SLC35F1: variants seen among roughly 807,000 people sequenced by gnomAD.
SLC35F1 encodes the protein solute carrier family 35 member F1.
Under a neutral mutation model 48.7 loss-of-function variants are expected in SLC35F1, and 14 were observed. The ratio of observed to expected loss-of-function variants is 0.29; its 90% CI spans 0.19 to 0.45. SLC35F1 has a LOEUF of 0.45. Among genes scored for constraint, SLC35F1 ranks in the 20% least tolerant of loss-of-function variants. The pLI, the probability that SLC35F1 is intolerant of heterozygous loss-of-function variation, is 1.00. For missense variants in SLC35F1, 404 were observed against 500.0 expected (o/e 0.81, Z 1.83); for synonymous variants, 190 against 202.2 (o/e 0.94, Z 0.51).
intron 1 of SLC35F1, among the ~76,000 whole-genome samples, chr6:117,923,479 C>A (rs1207781366): frequency 9.5e-6 from 1 of 105,564 alleles, no homozygotes; most frequent in Non-Finnish European, 1.8e-5. Context: ...AATTGACATA[C>A]ATGTATATAT....
chr6:118,051,328 G>A (rs935676283), intron 1 of SLC35F1, among the ~76,000 whole-genome samples: 3 of 152,092 alleles, frequency 2.0e-5, no homozygotes, highest in African/African-American at 7.2e-5. Flanking sequence ...TTCTTACTAA[G>A]TACTCATTGT....
intron 1 of SLC35F1, among the ~76,000 whole-genome samples, chr6:117,944,592 TACACACAC>T (rs60520269): frequency 7.4e-6 from 1 of 135,900 alleles, no homozygotes; most frequent in African/African-American, 2.7e-5. Context: ...CACATACACA[TACACACAC>T]ACACACACAC....
At chr6:118,121,482 G>A (rs1446566725) in intron 1 of SLC35F1, among the ~76,000 whole-genome samples, 2 of 152,140 alleles carry the variant, frequency 1.3e-5, no homozygotes, top group Non-Finnish European at 2.9e-5. Context: ...AAATTGCAGA[G>A]CAAAGATGTG....
At chr6:118,205,695 A>G (rs1018816314) in intron 2 of SLC35F1, among the ~76,000 whole-genome samples, 4 of 152,228 alleles carry the variant, frequency 2.6e-5, no homozygotes, top group East Asian at 3.8e-4. Context: ...TTGTATACCA[A>G]TGTTCACAGC....
intron 1 of SLC35F1, among the ~76,000 whole-genome samples, chr6:118,091,114 G>T (rs1562287022): frequency 6.6e-6 from 1 of 152,160 alleles, no homozygotes; most frequent in African/African-American, 2.4e-5. Flanking sequence ...AATGAAATGG[G>T]TCTTAGATGA....
intron 1 of SLC35F1, among the ~76,000 whole-genome samples, chr6:118,114,949 T>C (rs17079707): frequency 0.16 from 24,278 of 152,100 alleles, 1,976 homozygotes; most frequent in South Asian, 0.32. Flanking sequence ...AAGGATAAAA[T>C]GACTGTTCAG....
chr6:118,265,237 A>G (rs1191410277), intron 3 of SLC35F1, among the ~76,000 whole-genome samples: 2 of 152,202 alleles, frequency 1.3e-5, no homozygotes, highest in African/African-American at 2.4e-5. Context: ...ATGCTTTGCA[A>G]ATACGCAAAC....
At chr6:118,204,203 C>A (rs1157064707) in intron 2 of SLC35F1, among the ~76,000 whole-genome samples, 1 of 151,154 alleles carries the variant, frequency 6.6e-6, no homozygotes, top group Non-Finnish European at 1.5e-5. Context: ...GAATAGTGGA[C>A]ACAAAGGAAA....
At chr6:117,990,866 C>T (rs1446226822) in intron 1 of SLC35F1, among the ~76,000 whole-genome samples, 1 of 152,140 alleles carries the variant, frequency 6.6e-6, no homozygotes, top group Non-Finnish European at 1.5e-5. Context: ...GTGTTGGCTC[C>T]ATCCACCAGT....
At chr6:117,958,429 A>AC (rs1776454615) in intron 1 of SLC35F1, among the ~76,000 whole-genome samples, 1 of 152,192 alleles carries the variant, frequency 6.6e-6, no homozygotes, top group Admixed American at 6.5e-5. Context: ...ACATTCACCA[A>AC]CCACTCACTC....
intron 2 of SLC35F1, among the ~76,000 whole-genome samples, chr6:118,210,850 G>T (rs1443252937): frequency 6.6e-6 from 1 of 152,098 alleles, no homozygotes; most frequent in East Asian, 1.9e-4. Flanking sequence ...CCTCTTTCAT[G>T]AATCCATCCC....
intron 6 of SLC35F1, among the ~76,000 whole-genome samples, chr6:118,281,359 G>A (rs939019271): frequency 6.6e-6 from 1 of 151,998 alleles, no homozygotes; most frequent in African/African-American, 2.4e-5. Context: ...TGACCTAAGG[G>A]CAAGTTACTT....
intron 1 of SLC35F1, among the ~76,000 whole-genome samples, chr6:118,079,268 A>T (rs1053254134): frequency 6.6e-6 from 1 of 152,228 alleles, no homozygotes; most frequent in Non-Finnish European, 1.5e-5. Context: ...AAATGGAATC[A>T]TATCAAATCT....
chr6:117,917,258 C>T (rs980316941), intron 1 of SLC35F1, among the ~76,000 whole-genome samples: 10 of 152,030 alleles, frequency 6.6e-5, no homozygotes, highest in South Asian at 2.1e-4. Context: ...GAGCAGGAAA[C>T]AGGAGAGCAT....
intron 1 of SLC35F1, among the ~76,000 whole-genome samples, chr6:118,114,292 A>G (rs1330890352): frequency 6.6e-6 from 1 of 152,018 alleles, no homozygotes; most frequent in African/African-American, 2.4e-5. Flanking sequence ...TTTCATTTTC[A>G]TTTTAGGCAT....
intron 1 of SLC35F1, among the ~76,000 whole-genome samples, chr6:118,073,646 G>A (rs539801172): frequency 2.1e-4 from 32 of 152,220 alleles, no homozygotes; most frequent in African/African-American, 7.7e-4. Context: ...AAATCAAAAT[G>A]AGATTTATAA....
chr6:118,146,240 G>A (rs1376348235), intron 1 of SLC35F1, among the ~76,000 whole-genome samples: 2 of 152,156 alleles, frequency 1.3e-5, no homozygotes, highest in South Asian at 2.1e-4. Flanking sequence ...CTAACTAATG[G>A]AATGAGCAGA....
At chr6:118,298,770 C>G (rs1776222767) in intron 7 of SLC35F1, among the ~76,000 whole-genome samples, 1 of 152,128 alleles carries the variant, frequency 6.6e-6, no homozygotes, top group Non-Finnish European at 1.5e-5. Context: ...AAAATTTATG[C>G]CATATGATTA....
At position 118,090,841 on chromosome 6, in the gene SLC35F1, G is replaced by C. The variant is rs145413870; in HGVS notation, c.174-63604G>C. Among the ~76,000 whole-genome samples, 542 of 152,248 alleles carry C rather than the reference G, an allele frequency of 3.6e-3. 15 individuals carry two copies. The highest frequency in any genetic ancestry group is 0.021 in the East Asian group (110 of 5,176). ...CTATGTGGAGAATGGACAATGGGGG[G>C]GCATAAGTGGAAGGAGGAAGACTCA... On this transcript the variant is annotated intron_variant, in intron 1 of 7. Transcript: ENST00000360388.
Sources: allele counts gnomAD v4.1 joint callset (sites outside exome capture counted in the v4.1 genomes callset), GRCh38; gene constraint gnomAD v4.1.1; transcripts MANE v1.5; gene names NCBI Gene and HGNC (gene_info 2026-07-23, HGNC 2026-07-21).